Variants in PTPRT observed in about 807,000 individuals in gnomAD.
PTPRT encodes protein tyrosine phosphatase receptor type T, also known as receptor-type tyrosine-protein phosphatase T.
PTPRT carries 56 observed loss-of-function variants against 176.8 expected under a neutral mutation model. That is an observed-to-expected ratio of 0.32 (90% CI 0.26 to 0.40). The LOEUF is 0.40. Ranked by LOEUF, PTPRT falls within the 10% of genes least tolerant of loss-of-function variation. PTPRT has a pLI of 1.00. For missense variants in PTPRT, 1,540 were observed against 1,908.2 expected (o/e 0.81, Z 3.60); for synonymous variants, 783 against 739.0 (o/e 1.06, Z -0.96).
rs755319056 is a variant in PTPRT, at chr20:42,084,719, A to G, written c.4099T>C (p.Tyr1367His). The change falls in exon 29 of 31, where the codon TAT (tyrosine) becomes CAT (histidine). Residue 1367 changes from tyrosine (Y) to histidine (H), a missense_variant. Physicochemically the swap from Tyr to His is moderately conservative, Grantham distance 83 (BLOSUM62 2). Transcript: ENST00000373187. ...VRRLEKWQEQ[Y>H]DGREGRTVVH... Reference sequence around the variant, plus strand: ...ACAGTACGTCCCTCCCTCCCGTCATACTGCTCCTGCCACTTCTCCAGTCGT... The same window carrying G: ...ACAGTACGTCCCTCCCTCCCGTCATGCTGCTCCTGCCACTTCTCCAGTCGT... 1.3e-6 allele frequency: 2 copies of G among 1,558,296 alleles called. No homozygotes were observed. Among genetic ancestry groups the G allele is most frequent in the South Asian group, 2.5e-5 (2 of 78,608 alleles).
At chr20:42,753,010 A>G (rs2076786978) in intron 6 of PTPRT, among the ~76,000 whole-genome samples, 1 of 152,052 alleles carries the variant, frequency 6.6e-6, no homozygotes, top group Non-Finnish European at 1.5e-5. Context: ...GGTTAAATGT[A>G]TTTCTCCAGC....
chr20:43,118,273 A>C (rs2013130263), intron 1 of PTPRT, among the ~76,000 whole-genome samples: 1 of 152,190 alleles, frequency 6.6e-6, no homozygotes. Flanking sequence ...AAGAATGAGT[A>C]AATATTTGCC....
At chr20:42,282,124 T>C (rs1425455639) in intron 13 of PTPRT, among the ~76,000 whole-genome samples, 4 of 152,120 alleles carry the variant, frequency 2.6e-5, no homozygotes, top group African/African-American at 9.7e-5. Flanking sequence ...ATGGGTCTAA[T>C]AGACATGCTT....
intron 9 of PTPRT, among the ~76,000 whole-genome samples, chr20:42,444,471 G>A (rs1343981161): frequency 6.6e-6 from 1 of 152,182 alleles, no homozygotes; most frequent in African/African-American, 2.4e-5. Flanking sequence ...ATTTTGGGGG[G>A]CAGAATTGTC....
chr20:42,649,298 C>A (rs1342048017), intron 7 of PTPRT, among the ~76,000 whole-genome samples: 6 of 152,110 alleles, frequency 3.9e-5, no homozygotes, highest in Non-Finnish European at 7.4e-5. Context: ...TATTCACTAT[C>A]ATGAGAACAG....
At chr20:42,941,486 G>C (rs1385792492) in intron 1 of PTPRT, among the ~76,000 whole-genome samples, 1 of 152,052 alleles carries the variant, frequency 6.6e-6, no homozygotes, top group Non-Finnish European at 1.5e-5. Context: ...TTTCAATACA[G>C]ATATTCAATG....
intron 2 of PTPRT, among the ~76,000 whole-genome samples, chr20:42,814,333 G>C (rs185120849): frequency 1.3e-5 from 2 of 152,186 alleles, no homozygotes; most frequent in East Asian, 3.9e-4. Flanking sequence ...TTCAGTTTCT[G>C]TCAGTGATCT....
intron 7 of PTPRT, among the ~76,000 whole-genome samples, chr20:42,670,168 G>T (rs1406769592): frequency 6.6e-6 from 1 of 152,102 alleles, no homozygotes; most frequent in Non-Finnish European, 1.5e-5. Flanking sequence ...TACAGTGAAG[G>T]AAATCAGGTT....
At chr20:42,148,330 C>T (rs1988970891) in intron 17 of PTPRT, among the ~76,000 whole-genome samples, 1 of 149,650 alleles carries the variant, frequency 6.7e-6, no homozygotes, top group Admixed American at 6.7e-5. Flanking sequence ...GAGAGCTGCG[C>T]CGTGGTATTT....
chr20:42,465,831 G>C (rs1230248526), intron 8 of PTPRT, among the ~76,000 whole-genome samples: 1 of 152,132 alleles, frequency 6.6e-6, no homozygotes, highest in Admixed American at 6.5e-5. Flanking sequence ...TGTTACATAG[G>C]TAAATGCATG....
At chr20:42,321,200 G>A (rs1046797291) in intron 11 of PTPRT, among the ~76,000 whole-genome samples, 1 of 152,152 alleles carries the variant, frequency 6.6e-6, no homozygotes, top group African/African-American at 2.4e-5. Context: ...GCAGTGAACA[G>A]TCATCTCAGA....
chr20:43,003,518 G>T (rs975164703), intron 1 of PTPRT, among the ~76,000 whole-genome samples: 2 of 152,152 alleles, frequency 1.3e-5, no homozygotes, highest in Admixed American at 1.3e-4. Context: ...GCTATTTTAA[G>T]TCCCTTAGAA....
chr20:42,598,522 GAC>G (rs2073716370), intron 7 of PTPRT, among the ~76,000 whole-genome samples: 3 of 152,178 alleles, frequency 2.0e-5, no homozygotes, highest in Admixed American at 6.5e-5. Context: ...TGTTAGGGAA[GAC>G]ACAAAATTTT....
At chr20:43,067,994 G>A (rs1600688310) in intron 1 of PTPRT, among the ~76,000 whole-genome samples, 1 of 4,280 alleles carries the variant, frequency 2.3e-4, no homozygotes, top group Non-Finnish European at 4.8e-4. Context: ...GGAAGGGAGG[G>A]GAGGAAGGAA....
At chr20:42,686,480 TTTTTTTTTTTTTTTTTTTTTTG>T (rs1488558591) in intron 6 of PTPRT, among the ~76,000 whole-genome samples, 18 of 83,716 alleles carry the variant, frequency 2.2e-4, no homozygotes, top group African/African-American at 7.6e-4. Flanking sequence ...TTTTTTTTTT[TTTTTTTTTTTTTTTTTTTTTTG>T]AGACAGAGTC....
At chr20:42,818,337 T>TCAACAA (rs560392138) in intron 2 of PTPRT, among the ~76,000 whole-genome samples, 2 of 150,534 alleles carry the variant, frequency 1.3e-5, no homozygotes, top group Non-Finnish European at 3.0e-5. Context: ...AACAACAGCA[T>TCAACAA]CAACAACAAC....
intron 16 of PTPRT, among the ~76,000 whole-genome samples, chr20:42,184,053 T>A (rs1990628786): frequency 6.6e-6 from 1 of 152,134 alleles, no homozygotes; most frequent in African/African-American, 2.4e-5. Flanking sequence ...GGGCCTTCCA[T>A]CCCTGACAGA....
chr20:42,704,475 C>G (rs1038906713), intron 6 of PTPRT, among the ~76,000 whole-genome samples: 4 of 151,684 alleles, frequency 2.6e-5, no homozygotes, highest in African/African-American at 9.7e-5. Flanking sequence ...ATACAGAATT[C>G]TTTCCATAAT....
At chr20:42,460,405 C>T (rs554577856) in intron 8 of PTPRT, among the ~76,000 whole-genome samples, 2 of 152,242 alleles carry the variant, frequency 1.3e-5, no homozygotes, top group South Asian at 4.1e-4. Context: ...ATGGTGGCAT[C>T]GAGTAGCTGC....
Sources: gnomAD v4.1 joint callset for allele counts (sites outside exome capture counted in the v4.1 genomes callset) on GRCh38, gnomAD v4.1.1 for gene constraint, MANE v1.5 for transcripts, NCBI Gene and HGNC (gene_info 2026-07-23, HGNC 2026-07-21) for gene names.